GRIK2: variants seen among roughly 807,000 people sequenced by gnomAD.
The protein encoded by GRIK2 is glutamate receptor ionotropic, kainate 2.
Under a neutral mutation model 100.3 loss-of-function variants are expected in GRIK2, and 32 were observed. That is an observed-to-expected ratio of 0.32 (90% CI 0.24 to 0.43). GRIK2 has a LOEUF of 0.43. Ranked by LOEUF, GRIK2 falls within the 20% of genes least tolerant of loss-of-function variation. The pLI is 1.00. For synonymous variants in GRIK2, 417 were observed against 389.4 expected, an observed-to-expected ratio of 1.07 and a Z score of -0.83; for missense variants, 843 against 1,114.9, an observed-to-expected ratio of 0.76 and a Z score of 3.47.
intron 14 of GRIK2, among the ~76,000 whole-genome samples, chr6:102,017,978 G>A (rs533683405): frequency 1.4e-4 from 21 of 152,054 alleles, no homozygotes; most frequent in Admixed American, 3.9e-4. Flanking sequence ...TAGTTTTTAG[G>A]CGTTCTTGGC....
chr6:102,020,032 T>TA (rs1488472881), intron 14 of GRIK2, among the ~76,000 whole-genome samples: 6 of 151,942 alleles, frequency 3.9e-5, no homozygotes, highest in African/African-American at 1.2e-4. Flanking sequence ...GATGTTTAGT[T>TA]AAAAAAGTCC....
intron 7 of GRIK2, among the ~76,000 whole-genome samples, chr6:101,793,657 G>T (rs1222287446): frequency 1.3e-5 from 2 of 152,148 alleles, no homozygotes; most frequent in African/African-American, 4.8e-5. Context: ...GGGGGTCAGG[G>T]GTCAGGGACC....
At chr6:101,707,307 G>A (rs900672663) in intron 7 of GRIK2, among the ~76,000 whole-genome samples, 22 of 151,040 alleles carry the variant, frequency 1.5e-4, no homozygotes, top group Non-Finnish European at 2.8e-4. Flanking sequence ...ACAAAATAGG[G>A]GAAGAAACTT....
chr6:102,006,564 C>T (rs1338506702), intron 14 of GRIK2, among the ~76,000 whole-genome samples: 6 of 151,406 alleles, frequency 4.0e-5, no homozygotes, highest in Non-Finnish European at 2.9e-5. Context: ...GACAGGGTTT[C>T]GCCATGTTGC....
intron 15 of GRIK2, among the ~76,000 whole-genome samples, chr6:102,053,632 T>C (rs114557938): frequency 0.018 from 2,815 of 152,324 alleles, 87 homozygotes; most frequent in African/African-American, 0.064. Flanking sequence ...ACATAAGTGA[T>C]ATTTTTGTTA....
intron 4 of GRIK2, among the ~76,000 whole-genome samples, chr6:101,671,658 G>T (rs2128338102): frequency 6.6e-6 from 1 of 152,262 alleles, no homozygotes; most frequent in South Asian, 2.1e-4. Context: ...GAGGTCAGGA[G>T]TTCGAGACCA....
intron 2 of GRIK2, among the ~76,000 whole-genome samples, chr6:101,578,289 G>C (rs543314592): frequency 6.6e-6 from 1 of 152,104 alleles, no homozygotes; most frequent in Non-Finnish European, 1.5e-5. Flanking sequence ...TATTACTGAA[G>C]GGATCCCAGG....
chr6:101,485,934 A>G (rs1772799320), intron 2 of GRIK2, among the ~76,000 whole-genome samples: 1 of 151,642 alleles, frequency 6.6e-6, no homozygotes, highest in Admixed American at 6.6e-5. Flanking sequence ...TTTTTTAGTA[A>G]AACAGCTTTA....
intron 4 of GRIK2, among the ~76,000 whole-genome samples, chr6:101,644,048 T>C (rs1190771032): frequency 6.6e-6 from 1 of 151,742 alleles, no homozygotes; most frequent in African/African-American, 2.4e-5. Flanking sequence ...CTTTATATAC[T>C]GATGACATAT....
intron 14 of GRIK2, among the ~76,000 whole-genome samples, chr6:102,004,270 T>C (rs1249199173): frequency 6.6e-6 from 1 of 151,390 alleles, no homozygotes; most frequent in Non-Finnish European, 1.5e-5. Flanking sequence ...TATATCCATT[T>C]TTTTTCCTGT....
intron 4 of GRIK2, among the ~76,000 whole-genome samples, chr6:101,671,795 C>T (rs1326411178): frequency 1.3e-5 from 2 of 152,048 alleles, no homozygotes; most frequent in African/African-American, 2.4e-5. Context: ...ACCCAGGAGG[C>T]GGAGGTTGTA....
At chr6:101,924,155 TG>T (rs1370737159) in intron 12 of GRIK2, among the ~76,000 whole-genome samples, 1 of 152,106 alleles carries the variant, frequency 6.6e-6, no homozygotes, top group African/African-American at 2.4e-5. Context: ...GTTACTTTGG[TG>T]GTTTCTATTA....
In GRIK2 at chr6:101,546,819, C is replaced by CTTTTTTTTT. The variant is rs1169622526; in HGVS notation, c.116-75110_116-75102dup. Among the ~76,000 whole-genome samples the CTTTTTTTTT allele has an allele frequency of 2.0e-4, 15 of 76,922 alleles. 2 individuals are homozygous for CTTTTTTTTT. The highest frequency in any genetic ancestry group is 5.2e-4 in the African/African-American group (11 of 21,080). The allele number at this position is 76,922 out of a possible 152,430, so 50.5% of individuals were successfully genotyped here. On this transcript the variant is annotated intron_variant, in intron 2 of 16. Transcript: ENST00000369134. ...TCCTCCAACTCTCATGTTTTTGTTT[C>CTTTTTTTTT]TTTTTTTTTTTTTTTTTTTTTTTTT...
At chr6:101,434,489 AT>A (rs200219115) in intron 2 of GRIK2, among the ~76,000 whole-genome samples, 285 of 147,570 alleles carry the variant, frequency 1.9e-3, no homozygotes, top group East Asian at 4.2e-3. Flanking sequence ...TAATTTGAAT[AT>A]TTTTTTTTTT....
At chr6:101,539,565 T>G (rs1471929204) in intron 2 of GRIK2, among the ~76,000 whole-genome samples, 1 of 151,804 alleles carries the variant, frequency 6.6e-6, no homozygotes, top group African/African-American at 2.4e-5. Flanking sequence ...CTAGGAGGGA[T>G]AGTAGTAGTA....
intron 2 of GRIK2, among the ~76,000 whole-genome samples, chr6:101,534,291 T>C (rs1402512359): frequency 2.0e-5 from 3 of 151,952 alleles, no homozygotes. Flanking sequence ...AAAAACAGTA[T>C]TCAATGTTTT....
At chr6:101,912,343 G>GTT (rs1335542117) in intron 12 of GRIK2, among the ~76,000 whole-genome samples, 3 of 151,452 alleles carry the variant, frequency 2.0e-5, no homozygotes, top group Non-Finnish European at 4.4e-5. Context: ...CTTAAGAAGT[G>GTT]TTTTAGCTCC....
intron 11 of GRIK2, among the ~76,000 whole-genome samples, chr6:101,859,927 T>A (rs921119628): frequency 1.3e-5 from 2 of 152,196 alleles, no homozygotes; most frequent in Non-Finnish European, 2.9e-5. Context: ...GGTGTTTCTT[T>A]CCTTATTTTC....
At chr6:102,013,810 G>A (rs774929601) in intron 14 of GRIK2, among the ~76,000 whole-genome samples, 1 of 152,074 alleles carries the variant, frequency 6.6e-6, no homozygotes, top group East Asian at 1.9e-4. Flanking sequence ...TGTTTTTGAT[G>A]TGCTGCTAGA....
Sources: allele counts gnomAD v4.1 joint callset (sites outside exome capture counted in the v4.1 genomes callset), GRCh38; gene constraint gnomAD v4.1.1; transcripts MANE v1.5; gene names NCBI Gene and HGNC (gene_info 2026-07-23, HGNC 2026-07-21).